Variants in CCNL1 observed in about 807,000 individuals in gnomAD.
The protein encoded by CCNL1 is cyclin L1, also known as cyclin-L1.
In CCNL1, 13 loss-of-function variants were observed where a neutral mutation model predicts 60.6. The ratio of observed to expected loss-of-function variants is 0.21; its 90% CI spans 0.14 to 0.34. CCNL1 has a LOEUF of 0.34. CCNL1 is among the 10% of genes least tolerant of loss of function. The pLI is 1.00. For missense variants in CCNL1, 481 were observed against 664.3 expected (o/e 0.72, Z 3.03); for synonymous variants, 270 against 244.3 (o/e 1.10, Z -0.98).
downstream of CCNL1, chr3:157,146,537 G>A: frequency 2.2e-6 from 1 of 450,790 alleles, no homozygotes. Flanking sequence ...ATACTTGGGA[G>A]GCTGAGGTGG....
At chr3:157,152,469 T>G in intron 4 of CCNL1, 1 of 1,229,972 alleles carries the variant, frequency 8.1e-7, no homozygotes, top group Non-Finnish European at 1.0e-6. Context: ...AAAAGGCAAT[T>G]AAAAGAATAT....
Position 157,159,067 on chromosome 3 carries a change from AAATTAGAG to A in CCNL1, c.379-100_379-93del, listed in dbSNP as rs2108141698. On this transcript the variant is annotated intron_variant, in intron 2 of 10. Coordinates refer to ENST00000295926, the MANE Select transcript of CCNL1 (RefSeq NM_020307.4). ...AACACAATTGGGACAACCTTTAGTA[AAATTAGAG>A]AAGACATCTCTATGCCGTAAGTCTA... 4.8e-6 allele frequency: 4 copies of A among 829,676 alleles called. 1 individual carries two copies. In the South Asian group the frequency reaches 6.2e-5, roughly 13 times the overall value. The allele number at this position is 829,676 out of a possible 1,614,324, so 51.4% of individuals were successfully genotyped here. A position where few individuals can be genotyped will look rare whatever the true frequency, so the allele number is the denominator to read the frequency against.
intron 10 of CCNL1, 145 bp from the exon 11 acceptor site, chr3:157,148,734 G>A (rs1737934852): frequency 1.6e-6 from 1 of 644,502 alleles, no homozygotes; most frequent in South Asian, 2.0e-5. Context: ...ACCCCTCACT[G>A]CTGTATGCCC....
rs1481204086 is a variant in CCNL1, at chr3:157,160,021, G to C, written c.74C>G (p.Ser25Cys). The C allele has an allele frequency of 5.1e-6, 8 of 1,569,440 alleles. No homozygotes were observed. In the Admixed American group the frequency reaches 1.3e-4, roughly 26 times the overall value. Residue 25 changes from serine (S) to cysteine (C), a missense_variant, in exon 1 of 11, where the codon TCC becomes TGC. By Grantham distance (112) the Ser-to-Cys change is moderately radical. Transcript: ENST00000295926. ...ASSAAPSAGG[S>C]SSGTTTTTTT... ...CGTCGTGGTCGTCGTCCCGGAGCTG[G>C]AGCCGCCCGCGCTTGGGGCGGCCGA... is the stretch of plus-strand genomic sequence containing the variant.
intron 3 of CCNL1, chr3:157,157,114 T>C: frequency 3.9e-6 from 5 of 1,289,678 alleles, no homozygotes; most frequent in Non-Finnish European, 5.1e-6. Flanking sequence ...GAAAAAAGAG[T>C]TGAAGTTAAT....
At position 157,159,772 on chromosome 3, in the gene CCNL1, C is replaced by G. The variant is rs779717932; in HGVS notation, c.303+20G>C. On this transcript the variant is annotated intron_variant, in intron 1 of 10. Coordinates refer to ENST00000295926, the MANE Select transcript of CCNL1 (RefSeq NM_020307.4). The stretch of plus-strand genomic sequence containing the variant: ...GGAGAGGAGAGGAGCGCCCGGCCGG[C>G]CCGGGGCCGGAGCACTGACCTGCGG... The G allele has an allele frequency of 4.8e-5, 72 of 1,514,178 alleles. No homozygotes were observed. In the Middle Eastern group the frequency reaches 5.8e-4, roughly 12 times the overall value. 93.8% of individuals were successfully genotyped at this position (1,514,178 alleles called of 1,614,324 possible).
Sources: allele counts gnomAD v4.1 joint callset, GRCh38; gene constraint gnomAD v4.1.1; transcripts MANE v1.5; gene names NCBI Gene and HGNC (gene_info 2026-07-23, HGNC 2026-07-21).